Variants in MIB1 observed in about 807,000 individuals in gnomAD.
MIB1 encodes E3 ubiquitin-protein ligase MIB1.
In MIB1, 278 loss-of-function variants were observed where a neutral mutation model predicts 124.5. That is an observed-to-expected ratio of 2.23 (90% CI 2.02 to 2.47). The LOEUF is 2.47. Ranked by LOEUF, MIB1 falls within the 30% of genes most tolerant of loss-of-function variation. The pLI is 0.00. For synonymous variants in MIB1, 446 were observed against 429.4 expected (o/e 1.04, Z -0.48); for missense variants, 957 against 1,254.4 (o/e 0.76, Z 3.58).
At chr18:21,833,253 C>A (rs1299052858) in intron 12 of MIB1, among the ~76,000 whole-genome samples, 2 of 152,190 alleles carry the variant, frequency 1.3e-5, no homozygotes, top group African/African-American at 4.8e-5. Context: ...TTGCCAATAT[C>A]TTTGCCTCAG....
intron 3 of MIB1, among the ~76,000 whole-genome samples, chr18:21,769,110 C>G (rs1360991278): frequency 6.6e-6 from 1 of 152,164 alleles, no homozygotes; most frequent in Admixed American, 6.5e-5. Flanking sequence ...GTTTTATATT[C>G]TCTTCCCTCA....
intron 1 of MIB1, among the ~76,000 whole-genome samples, chr18:21,747,813 A>G (rs953250097): frequency 6.6e-6 from 1 of 152,168 alleles, no homozygotes; most frequent in African/African-American, 2.4e-5. Context: ...TCCACCCTCT[A>G]TAATTGCTAG....
chr18:21,803,613 C>G (rs2041673317), intron 9 of MIB1: 1 of 210,470 alleles, frequency 4.8e-6, no homozygotes, highest in Admixed American at 5.5e-5. Context: ...AATATATATA[C>G]AAAACCAACT....
chr18:21,836,529 C>G (rs1030983461), intron 12 of MIB1, among the ~76,000 whole-genome samples: 1 of 152,128 alleles, frequency 6.6e-6, no homozygotes, highest in Non-Finnish European at 1.5e-5. Context: ...GGAACTTATC[C>G]TGTAATTTCT....
chr18:21,759,570 A>G lies in MIB1; in HGVS notation c.230-6202A>G, dbSNP rs1370617840. Among the ~76,000 whole-genome samples, 11 of 152,146 alleles carry G rather than the reference A, an allele frequency of 7.2e-5. No homozygotes were observed. The East Asian group carries it at 1.7e-3, about 24-fold the overall frequency. ...TATTCCATATTTAAAAAAATTCAGCATTATGGTGAAGGGTATGTCCATGTT... is the reference window on the plus strand; with the variant it reads ...TATTCCATATTTAAAAAAATTCAGCGTTATGGTGAAGGGTATGTCCATGTT... On this transcript the variant is annotated intron_variant, in intron 1 of 20. Transcript: ENST00000261537.
chr18:21,784,174 G>A (rs969192189), intron 6 of MIB1, among the ~76,000 whole-genome samples: 6 of 150,854 alleles, frequency 4.0e-5, no homozygotes, highest in East Asian at 2.0e-4. Context: ...TCAGCCTCCC[G>A]CGTAGCTGGG....
rs554673278 is a variant in MIB1 at position 21,740,816 on chromosome 18, G to C, written c.-768G>C. On this transcript the variant is annotated 5_prime_UTR_variant, in exon 1 of 21. Coordinates refer to ENST00000261537, the MANE Select transcript of MIB1 (RefSeq NM_020774.4). ...CCTTGGACCCTGGAGAGACGCTTAG[G>C]GATCAGTTTTCTCCTCCTTTCTTCC... 2.6e-4 allele frequency among the ~76,000 whole-genome samples: 40 copies of C among 152,358 alleles called. No individual in the cohort carries two copies. Among genetic ancestry groups the C allele is most frequent in the African/African-American group, 8.9e-4 (37 of 41,586 alleles).
intron 17 of MIB1, among the ~76,000 whole-genome samples, chr18:21,850,069 A>C (rs2146512109): frequency 6.6e-6 from 1 of 152,300 alleles, no homozygotes; most frequent in East Asian, 1.9e-4. Context: ...AGTGATGGCC[A>C]AAATCTATAT....
At chr18:21,848,411 C>G (rs1156802660) in intron 16 of MIB1, among the ~76,000 whole-genome samples, 1 of 151,944 alleles carries the variant, frequency 6.6e-6, no homozygotes, top group Non-Finnish European at 1.5e-5. Flanking sequence ...GATCACACCA[C>G]TGTACTCCAG....
At chr18:21,744,462 T>C (rs2105698) in intron 1 of MIB1, among the ~76,000 whole-genome samples, 24,056 of 152,144 alleles carry the variant, frequency 0.16, 2,606 homozygotes, top group African/African-American at 0.31. Flanking sequence ...ACGGTAATAC[T>C]GTATTAACTA....
chr18:21,836,273 GTTT>G (rs34936609), intron 12 of MIB1, among the ~76,000 whole-genome samples: 5 of 133,424 alleles, frequency 3.7e-5, no homozygotes, highest in Non-Finnish European at 3.2e-5. Context: ...AAAACAAAAG[GTTT>G]TTTTTTTTTT....
intron 10 of MIB1, among the ~76,000 whole-genome samples, chr18:21,805,158 G>C (rs930067630): frequency 6.6e-6 from 1 of 151,882 alleles, no homozygotes; most frequent in Non-Finnish European, 1.5e-5. Flanking sequence ...GATTATAGGC[G>C]CCTGCTACCA....
intron 1 of MIB1, among the ~76,000 whole-genome samples, chr18:21,758,923 T>A (rs1413355115): frequency 2.0e-5 from 3 of 152,218 alleles, no homozygotes; most frequent in Non-Finnish European, 4.4e-5. Context: ...CTAGAAGGAC[T>A]GTTTCTTTTT....
intron 13 of MIB1, among the ~76,000 whole-genome samples, chr18:21,840,644 TATATATATATATATATATA>T (rs1174672553): frequency 6.5e-3 from 12 of 1,838 alleles, no homozygotes; most frequent in Admixed American, 0.021. Context: ...TATATATATA[TATATATATATATATATATA>T]TATTTTTTTT....
chr18:21,821,719 C>T (rs1449460657), intron 12 of MIB1, among the ~76,000 whole-genome samples: 2 of 151,960 alleles, frequency 1.3e-5, no homozygotes, highest in African/African-American at 4.8e-5. Flanking sequence ...CTGCCTCAGC[C>T]TCCCGAGTAG....
Position 21,843,277 on chromosome 18 carries a change from A to G in MIB1, c.2049+60A>G, listed in dbSNP as rs1310507156. On this transcript the variant is annotated intron_variant, in intron 14 of 20. Coordinates refer to ENST00000261537, the MANE Select transcript of MIB1 (RefSeq NM_020774.4). Reference sequence around the variant, plus strand: ...CATTTTAACCATACAGATTTTTAGAACTTCCTGAAAATTGAAATGATACAG... The same window carrying G: ...CATTTTAACCATACAGATTTTTAGAGCTTCCTGAAAATTGAAATGATACAG... 4.2e-6 allele frequency: 5 copies of G among 1,201,218 alleles called. No homozygotes were observed. In the African/African-American group the frequency reaches 4.7e-5, roughly 11 times the overall value. The allele number at this position is 1,201,218 out of a possible 1,614,324, so 74.4% of individuals were successfully genotyped here.
chr18:21,860,910 A>G (rs1474934541), intron 20 of MIB1, among the ~76,000 whole-genome samples: 1 of 152,230 alleles, frequency 6.6e-6, no homozygotes, highest in African/African-American at 2.4e-5. Context: ...GTTATGACAC[A>G]TGCCTGGAGT....
At chr18:21,858,014 A>G in intron 19 of MIB1, among the ~76,000 whole-genome samples, 1 of 152,250 alleles carries the variant, frequency 6.6e-6, no homozygotes, top group East Asian at 1.9e-4. Flanking sequence ...ATTTCCCTCC[A>G]TGTTTGCATA....
intron 2 of MIB1, 148 bp from the exon 3 acceptor site, chr18:21,768,475 T>C (rs966952598): frequency 6.3e-6 from 3 of 479,682 alleles, no homozygotes; most frequent in Non-Finnish European, 1.1e-5. Flanking sequence ...ATATAAAAGG[T>C]ATTCCTGTAT....
Sources: allele counts gnomAD v4.1 joint callset (sites outside exome capture counted in the v4.1 genomes callset), GRCh38; gene constraint gnomAD v4.1.1; transcripts MANE v1.5; gene names NCBI Gene and HGNC (gene_info 2026-07-23, HGNC 2026-07-21).